Variants in CCZ1 observed in about 807,000 individuals in gnomAD.
CCZ1 encodes the protein vacuolar fusion protein CCZ1 homolog.
A neutral mutation model predicts 57.8 loss-of-function variants in CCZ1; 19 were observed. The observed-to-expected ratio is 0.33, with a 90% CI of 0.23 to 0.48. CCZ1 has a LOEUF of 0.48. Ranked by LOEUF, CCZ1 falls within the 20% of genes least tolerant of loss-of-function variation. The pLI is 0.99. For synonymous variants in CCZ1, 81 were observed against 167.0 expected, an observed-to-expected ratio of 0.49 and a Z score of 3.97; for missense variants, 200 against 492.0, an observed-to-expected ratio of 0.41 and a Z score of 5.61.
intron 8 of CCZ1, 23 bp downstream of exon 8, chr7:5,910,139 G>A (rs3779101): frequency 0.01 from 16,458 of 1,578,034 alleles, 168 homozygotes; most frequent in Middle Eastern, 0.03. Context: ...CCATAGCTGC[G>A]CACAATTACA....
rs1583180324 is a variant in CCZ1, at chr7:5,901,482, C to T, written c.391-175C>T. 3 of 948,446 alleles carry T rather than the reference C, an allele frequency of 3.2e-6. No homozygotes were observed. In the East Asian group the frequency reaches 1.4e-4, roughly 45 times the overall value. 58.8% of individuals were successfully genotyped at this position (948,446 alleles called of 1,614,324 possible). A position where few individuals can be genotyped will look rare whatever the true frequency, so the allele number is the denominator to read the frequency against. On this transcript the variant is annotated intron_variant, in intron 4 of 14. Transcript: ENST00000325974. The stretch of plus-strand genomic sequence containing the variant: ...CCTGGACAACAGAGCGAGACTCCAT[C>T]TCAAAAAAAAAAAAAAAAGAACGCA...
At position 5,899,373 on chromosome 7, in the gene CCZ1, G is replaced by T. The variant is rs1176156964; in HGVS notation, c.120+454G>T. ...TGTGTGTGTGTGTGTGTGTGTGTGT[G>T]TGTGTGTGTGGTTTTTCTGAGGTGG... On this transcript the variant is annotated intron_variant, in intron 1 of 14. Coordinates refer to ENST00000325974, the MANE Select transcript of CCZ1 (RefSeq NM_015622.6). Among the ~76,000 whole-genome samples, 41 of 121,062 alleles carry T rather than the reference G, an allele frequency of 3.4e-4. 1 individual carries two copies. Among genetic ancestry groups the T allele is most frequent in the South Asian group, 1.6e-3 (6 of 3,870 alleles). The allele number at this position is 121,062 out of a possible 152,430, so 79.4% of individuals were successfully genotyped here.
At chr7:5,914,100 A>G (rs1205367179) in intron 10 of CCZ1, among the ~76,000 whole-genome samples, 1 of 147,376 alleles carries the variant, frequency 6.8e-6, no homozygotes. Context: ...CCGAGGACAG[A>G]CAAGAACTTT....
intron 1 of CCZ1, 54 bp from the exon 2 acceptor site, chr7:5,900,230 A>C (rs1351052497): frequency 1.5e-6 from 2 of 1,353,080 alleles, no homozygotes; most frequent in Non-Finnish European, 2.0e-6. Flanking sequence ...CGTTTTCAAT[A>C]GCTAAGATGA....
At chr7:5,906,566 C>G (rs62453586) in intron 7 of CCZ1, among the ~76,000 whole-genome samples, 49,780 of 147,390 alleles carry the variant, frequency 0.34, 8,685 homozygotes, top group Admixed American at 0.47. Flanking sequence ...CAGGTGATTC[C>G]CCTGCATAGG....
chr7:5,914,417 CAG>C (rs1228132042), intron 10 of CCZ1, among the ~76,000 whole-genome samples: 10 of 148,984 alleles, frequency 6.7e-5, no homozygotes, highest in African/African-American at 2.5e-4. Context: ...GCCTGGGTGA[CAG>C]AGTGAAACCC....
intron 6 of CCZ1, 77 bp from the exon 7 acceptor site, chr7:5,905,017 G>T: frequency 6.2e-6 from 7 of 1,133,260 alleles, no homozygotes; most frequent in Non-Finnish European, 8.7e-6. Context: ...TCTGACATAA[G>T]ATTATTTTCA....
chr7:5,904,118 A>G (rs796769365), intron 6 of CCZ1, among the ~76,000 whole-genome samples: 85 of 116,430 alleles, frequency 7.3e-4, no homozygotes, highest in South Asian at 1.7e-3. Context: ...TTGAGACAGA[A>G]TCTTACTCTT....
At chr7:5,906,792 AATAAAC>A (rs1781837681) in intron 7 of CCZ1, among the ~76,000 whole-genome samples, 1 of 150,888 alleles carries the variant, frequency 6.6e-6, no homozygotes, top group African/African-American at 2.5e-5. Flanking sequence ...GAATCCAGTT[AATAAAC>A]AACTTGGTGG....
At position 5,901,542 on chromosome 7, in the gene CCZ1, C is replaced by T. The variant is rs949802436; in HGVS notation, c.391-115C>T. On this transcript the variant is annotated intron_variant, in intron 4 of 14. Transcript: ENST00000325974. ...TTTTCAGCACGCAACTATTGTGGGACAAAGTTTATAAACATTATACTGTTT... is the reference window on the plus strand; with the variant it reads ...TTTTCAGCACGCAACTATTGTGGGATAAAGTTTATAAACATTATACTGTTT... The T allele has an allele frequency of 1.1e-5, 16 of 1,406,854 alleles. 2 individuals carry two copies. In the East Asian group the frequency reaches 2.8e-4, roughly 24 times the overall value. The allele number at this position is 1,406,854 out of a possible 1,614,324, so 87.1% of individuals were successfully genotyped here. A position where few individuals can be genotyped will look rare whatever the true frequency, so the allele number is the denominator to read the frequency against.
In CCZ1 at chr7:5,912,977, C is replaced by T. The variant is rs369809812; in HGVS notation, c.954+23C>T. ...AAGGTAACAACTGTTTTCCTTCCAG[C>T]GTTAATGATTGTGCTGAAGTGGATC... is the stretch of plus-strand genomic sequence containing the variant. On this transcript the variant is annotated intron_variant, in intron 10 of 14. Transcript: ENST00000325974. 163 of 1,607,830 alleles carry T rather than the reference C, an allele frequency of 1.0e-4. 10 individuals carry two copies. The African/African-American group carries it at 1.9e-3, about 19-fold the overall frequency.
In CCZ1 at chr7:5,910,690, T is replaced by C. The variant is rs535531746; in HGVS notation, c.780+574T>C. Reference sequence around the variant, plus strand: ...GGAAAATTGGATTTTACTTTACTTTTAATTTATGTATTTTATTTTATTTAT... The same window carrying C: ...GGAAAATTGGATTTTACTTTACTTTCAATTTATGTATTTTATTTTATTTAT... On this transcript the variant is annotated intron_variant, in intron 8 of 14. Coordinates refer to ENST00000325974, the MANE Select transcript of CCZ1 (RefSeq NM_015622.6). Among the ~76,000 whole-genome samples, 355 of 68,702 alleles carry C rather than the reference T, an allele frequency of 5.2e-3. 30 individuals are homozygous for C. The highest frequency in any genetic ancestry group is 0.018 in the African/African-American group (343 of 19,312). The allele number at this position is 68,702 out of a possible 152,430, so 45.1% of individuals were successfully genotyped here.
rs1779383587 is a variant in CCZ1 at position 5,926,163 on chromosome 7, T to TTAA, written c.*478_*480dup. 1 of 378,550 alleles carries TTAA rather than the reference T, an allele frequency of 2.6e-6. No homozygotes were observed. 23.4% of individuals were successfully genotyped at this position (378,550 alleles called of 1,614,324 possible). On this transcript the variant is annotated 3_prime_UTR_variant, in exon 15 of 15. Coordinates refer to ENST00000325974, the MANE Select transcript of CCZ1 (RefSeq NM_015622.6). ...CACACCACCACGGTCGGCTGATGTT[T>TTAA]TAATTTTGCAGAGATGGGGGGGTCT... is the stretch of plus-strand genomic sequence containing the variant.
intron 8 of CCZ1, among the ~76,000 whole-genome samples, chr7:5,910,805 A>G (rs1334355085): frequency 1.4e-5 from 2 of 147,136 alleles, no homozygotes; most frequent in East Asian, 2.2e-4. Flanking sequence ...GTGCAATCTC[A>G]GCTCACTGCA....
chr7:5,922,562 T>TGAG (rs1433558872), intron 12 of CCZ1, among the ~76,000 whole-genome samples: 5 of 143,838 alleles, frequency 3.5e-5, no homozygotes, highest in Non-Finnish European at 6.1e-5. Flanking sequence ...CCAGGAGCAG[T>TGAG]GAGGCCCAGC....
intron 10 of CCZ1, among the ~76,000 whole-genome samples, chr7:5,914,351 G>T (rs1056649678): frequency 2.0e-5 from 3 of 147,808 alleles, no homozygotes; most frequent in Admixed American, 6.7e-5. Context: ...CAGGAGAACC[G>T]CTTGAGCCCA....
intron 10 of CCZ1, among the ~76,000 whole-genome samples, chr7:5,914,069 G>A (rs989304726): frequency 4.1e-5 from 6 of 145,956 alleles, no homozygotes; most frequent in Admixed American, 1.4e-4. Context: ...CAAAACTAGA[G>A]GTCTCGAAAG....
At chr7:5,912,633 C>G (rs1779062692) in intron 9 of CCZ1, among the ~76,000 whole-genome samples, 1 of 150,552 alleles carries the variant, frequency 6.6e-6, no homozygotes. Flanking sequence ...CTCCTGACTT[C>G]AGGTGATCCA....
At chr7:5,908,324 C>T (rs1468403) in intron 7 of CCZ1, among the ~76,000 whole-genome samples, 13,251 of 90,046 alleles carry the variant, frequency 0.15, 1,447 homozygotes, top group Middle Eastern at 0.27. Context: ...GAAAAAAAAA[C>T]TTGTCACAAG....
Sources: gnomAD v4.1 joint callset for allele counts (sites outside exome capture counted in the v4.1 genomes callset) on GRCh38, gnomAD v4.1.1 for gene constraint, MANE v1.5 for transcripts, NCBI Gene and HGNC (gene_info 2026-07-23, HGNC 2026-07-21) for gene names.